TRAK2: variants seen among roughly 807,000 people sequenced by gnomAD.
The protein encoded by TRAK2 is trafficking kinesin protein 2.
In TRAK2, 81 loss-of-function variants were observed where a neutral mutation model predicts 104.6. That is an observed-to-expected ratio of 0.77 (90% CI 0.65 to 0.93). TRAK2 has a LOEUF of 0.93. TRAK2 is among the 40% of genes least tolerant of loss of function. The probability of loss-of-function intolerance (pLI) is 0.00; values close to 1 mark genes in which losing one functional copy is unlikely to be tolerated. For synonymous variants in TRAK2, 406 were observed against 394.4 expected (o/e 1.03, Z -0.35); for missense variants, 1,002 against 1,089.0 (o/e 0.92, Z 1.12).
At position 201,379,744 on chromosome 2, in the gene TRAK2, A is replaced by G. The variant is rs1430630316; in HGVS notation, c.*799T>C. On this transcript the variant is annotated 3_prime_UTR_variant, in exon 16 of 16. Coordinates refer to ENST00000332624, the MANE Select transcript of TRAK2 (RefSeq NM_015049.3). ...ATTCAGACGAAATATTCTAAAAACA[A>G]GTTTTCTTGGTTTCAATTTACTCAC... 3 of 152,250 alleles carry G rather than the reference A, an allele frequency of 2.0e-5. No homozygotes were observed. Among genetic ancestry groups the G allele is most frequent in the African/African-American group, 7.3e-5 (3 of 41,356 alleles). 9.4% of individuals were successfully genotyped at this position (152,250 alleles called of 1,614,324 possible).
Position 201,406,293 on chromosome 2 carries a change from A to C in TRAK2, c.286+1110T>G, listed in dbSNP as rs547953401. 7.2e-5 allele frequency among the ~76,000 whole-genome samples: 11 copies of C among 152,378 alleles called. No individual in the cohort carries two copies. In the East Asian group the frequency reaches 2.1e-3, roughly 29 times the overall value. On this transcript the variant is annotated intron_variant, in intron 3 of 15. Coordinates refer to ENST00000332624, the MANE Select transcript of TRAK2 (RefSeq NM_015049.3). ...AAACTACTAGAAATAAATTGTAGGA[A>C]ACTGGTGCTAAAAGCAAGTTAATGA...
At chr2:201,385,755 A>G (rs1951382873) in intron 14 of TRAK2, among the ~76,000 whole-genome samples, 1 of 152,248 alleles carries the variant, frequency 6.6e-6, no homozygotes. Flanking sequence ...TATTAAGTCA[A>G]AAATTAGAGA....
At chr2:201,413,986 C>G (rs943405820) in intron 2 of TRAK2, among the ~76,000 whole-genome samples, 1 of 152,168 alleles carries the variant, frequency 6.6e-6, no homozygotes. Context: ...GTTAGACACA[C>G]GATTCATCCT....
chr2:201,389,443 A>G lies in TRAK2; in HGVS notation c.1254T>C (p.Ser418=). ...VRIANDTRGR[S]ISFPALLPIP... is the part of the protein sequence containing the mutation. ...TGGGTAACAGAGCTGGGAATGAGAT[A>G]GAGCGGCCCCGTGTGTCATTGGCAA... The change falls in exon 12 of 16, where the codon TCT becomes TCC. Residue 418 remains serine, a synonymous_variant. Coordinates refer to ENST00000332624, the MANE Select transcript of TRAK2 (RefSeq NM_015049.3). The G allele has an allele frequency of 1.2e-6, 2 of 1,614,196 alleles. No homozygotes were observed. Among genetic ancestry groups the G allele is most frequent in the Non-Finnish European group, 1.7e-6 (2 of 1,180,026 alleles).
Position 201,380,822 on chromosome 2 carries a change from C to T in TRAK2, c.2466G>A (p.Arg822=), listed in dbSNP as rs138212719. Residue 822 remains arginine, a synonymous_variant, in exon 16 of 16, where the codon CGG becomes CGA. Transcript: ENST00000332624. The part of the protein sequence containing the change: ...LQEMYGLRPS[R]NPPDVGQLKM... Reference sequence around the variant, plus strand: ...TCAACTGGCCAACATCAGGAGGGTTCCGGGAGGGTCTCAAGCCATACATCT... The same window carrying T: ...TCAACTGGCCAACATCAGGAGGGTTTCGGGAGGGTCTCAAGCCATACATCT... The T allele has an allele frequency of 5.0e-5, 81 of 1,613,900 alleles. No homozygotes were observed. Among genetic ancestry groups the T allele is most frequent in the Non-Finnish European group, 6.4e-5 (76 of 1,179,986 alleles).
intron 2 of TRAK2, 148 bp downstream of exon 2, chr2:201,420,269 G>A (rs908636784): frequency 1.6e-6 from 1 of 626,450 alleles, no homozygotes; most frequent in African/African-American, 1.8e-5. Flanking sequence ...CACAGGGGAT[G>A]GAGAGATTAA....
intron 1 of TRAK2, among the ~76,000 whole-genome samples, chr2:201,438,743 G>A (rs549425169): frequency 6.6e-6 from 1 of 152,200 alleles, no homozygotes; most frequent in African/African-American, 2.4e-5. Context: ...CAAGTAATCC[G>A]CTCCCCCCAA....
chr2:201,389,045 C>T (rs984911345), intron 12 of TRAK2, among the ~76,000 whole-genome samples: 3 of 152,114 alleles, frequency 2.0e-5, no homozygotes, highest in African/African-American at 4.8e-5. Flanking sequence ...ATCACCAAAG[C>T]GGTTGAGATT....
At chr2:201,385,919 C>T (rs1032339485) in intron 14 of TRAK2, among the ~76,000 whole-genome samples, 2 of 152,130 alleles carry the variant, frequency 1.3e-5, no homozygotes, top group African/African-American at 2.4e-5. Context: ...ATATAACCTG[C>T]ACAGATAGGC....
intron 5 of TRAK2, among the ~76,000 whole-genome samples, chr2:201,398,667 T>A (rs942231993): frequency 2.0e-5 from 3 of 152,128 alleles, no homozygotes; most frequent in Non-Finnish European, 4.4e-5. Context: ...TAATAATACA[T>A]TCATAGTTGA....
chr2:201,394,894 CAT>C (rs1951486768), intron 8 of TRAK2, 22 bp from the exon 9 acceptor site: 1 of 1,591,714 alleles, frequency 6.3e-7, no homozygotes, highest in Non-Finnish European at 8.6e-7. Context: ...TTAAAAAAGA[CAT>C]GTGAAGCCTT....
In TRAK2 at chr2:201,398,187, C is replaced by T; in HGVS notation, c.648G>A (p.Lys216=). Residue 216 remains lysine, a synonymous_variant, in exon 6 of 16, where the codon AAG becomes AAA. Coordinates refer to ENST00000332624, the MANE Select transcript of TRAK2 (RefSeq NM_015049.3). ...TATTCTCTTCTTCCAGTTCCTTGAG[C>T]TTTTCTTGCAGCATTTCCAACTGCA... ...GLLQLEMLQE[K]LKELEEENMA... is the part of the protein sequence containing the mutation. 6.2e-7 allele frequency: 1 copy of T among 1,613,724 alleles called. No homozygotes were observed. The highest frequency in any genetic ancestry group is 8.5e-7 in the Non-Finnish European group (1 of 1,179,694).
In TRAK2 at chr2:201,395,420, C is replaced by A; in HGVS notation, c.794G>T (p.Arg265Ile). 6.4e-7 allele frequency: 1 copy of A among 1,565,360 alleles called. No homozygotes were observed. Among genetic ancestry groups the A allele is most frequent in the Non-Finnish European group, 8.7e-7 (1 of 1,146,798 alleles). Residue 265 changes from arginine to isoleucine, a missense_variant, in exon 8 of 16, where the codon AGA (arginine) becomes ATA (isoleucine). Arg to Ile is a moderately conservative substitution (Grantham distance 97). Coordinates refer to ENST00000332624, the MANE Select transcript of TRAK2 (RefSeq NM_015049.3). ...ELRETNAQMSRMTEELSGKSD... is the reference protein window; with the variant it reads ...ELRETNAQMSIMTEELSGKSD... The stretch of plus-strand genomic sequence containing the variant: ...CTTCCCTGACAATTCTTCAGTCATT[C>A]TGGACATCTGAGCATTTGTTTCACC...
intron 1 of TRAK2, among the ~76,000 whole-genome samples, chr2:201,448,687 T>C (rs1951984927): frequency 6.6e-6 from 1 of 152,138 alleles, no homozygotes; most frequent in South Asian, 2.1e-4. Flanking sequence ...ATTTAACATA[T>C]TTGGGGCACT....
In TRAK2 at chr2:201,386,309, T is replaced by C. The variant is rs767705707; in HGVS notation, c.1872A>G (p.Gln624=). 4.5e-5 allele frequency: 72 copies of C among 1,614,118 alleles called. No homozygotes were observed. Among genetic ancestry groups the C allele is most frequent in the Non-Finnish European group, 5.9e-5 (70 of 1,180,006 alleles). ...AAAGTTTCTCTTCCACTTCAAGAGG[T>C]TGCTGAACCTGAAAAGTAATACCCT... ...EEEGITFQVQ[Q]PLEVEEKLST... Residue 624 remains glutamine, a synonymous_variant, in exon 14 of 16, where the codon CAA becomes CAG. Transcript: ENST00000332624.
Position 201,380,580 on chromosome 2 carries a change from G to A in TRAK2, c.2708C>T (p.Thr903Ile), listed in dbSNP as rs1445545705. 1 of 1,613,952 alleles carries A rather than the reference G, an allele frequency of 6.2e-7. No homozygotes were observed. Among genetic ancestry groups the A allele is most frequent in the South Asian group, 1.1e-5 (1 of 91,076 alleles). ...IMGSFAAPVC[T>I]SSPKMGVLKE... Reference sequence around the variant, plus strand: ...CAGGACACCCATTTTGGGTGAGGATGTGCAAACTGGGGCAGCAAAGCTACC... The same window carrying A: ...CAGGACACCCATTTTGGGTGAGGATATGCAAACTGGGGCAGCAAAGCTACC... The change falls in exon 16 of 16, where the codon ACA becomes ATA. Residue 903 changes from threonine (T) to isoleucine (I), a missense_variant. By Grantham distance (89) the Thr-to-Ile change is moderately conservative. Transcript: ENST00000332624.
intron 3 of TRAK2, among the ~76,000 whole-genome samples, chr2:201,401,781 A>T (rs1001468787): frequency 2.0e-5 from 3 of 152,100 alleles, no homozygotes; most frequent in African/African-American, 7.2e-5. Context: ...ATGTACCTGG[A>T]TAATTTAGTT....
At chr2:201,417,241 C>CAAAAAAAAAAAAAA (rs61702415) in intron 2 of TRAK2, among the ~76,000 whole-genome samples, 75 of 88,378 alleles carry the variant, frequency 8.5e-4, no homozygotes, top group African/African-American at 1.2e-3. Context: ...GAAGACATTG[C>CAAAAAAAAAAAAAA]AAAAAAAAAA....
chr2:201,403,371 T>G (rs566489614), intron 3 of TRAK2, among the ~76,000 whole-genome samples: 1 of 152,230 alleles, frequency 6.6e-6, no homozygotes, highest in African/African-American at 2.4e-5. Context: ...GCTGGAATTT[T>G]AGTATGGAGA....
Sources: gnomAD v4.1 joint callset for allele counts (sites outside exome capture counted in the v4.1 genomes callset) on GRCh38, gnomAD v4.1.1 for gene constraint, MANE v1.5 for transcripts, NCBI Gene and HGNC (gene_info 2026-07-23, HGNC 2026-07-21) for gene names.